Variants in GPC6 observed in about 807,000 individuals in gnomAD.
The protein encoded by GPC6 is glypican-6.
A neutral mutation model predicts 55.2 loss-of-function variants in GPC6; 14 were observed. The ratio of observed to expected loss-of-function variants is 0.25; its 90% confidence interval spans 0.17 to 0.40. The LOEUF is 0.40. GPC6 is among the 10% of genes least tolerant of loss of function. The pLI, the probability that GPC6 is intolerant of heterozygous loss-of-function variation, is 1.00. For synonymous variants in GPC6, 278 were observed against 259.6 expected (o/e 1.07, Z -0.68); for missense variants, 641 against 708.5 (o/e 0.90, Z 1.08).
chr13:94,403,680 CAG>C lies in GPC6; in HGVS notation c.*464_*465del, dbSNP rs1881251464. The C allele has an allele frequency of 4.9e-6, 1 of 204,606 alleles. No homozygotes were observed. Among genetic ancestry groups the C allele is most frequent in the Non-Finnish European group, 1.0e-5 (1 of 99,626 alleles). The allele number at this position is 204,606 out of a possible 1,614,324, so 12.7% of individuals were successfully genotyped here. A position where few individuals can be genotyped will look rare whatever the true frequency, so the allele number is the denominator to read the frequency against. ...TAAATGAACTTTAACACTGTAAGTTCAGCATTGACAGCCAACTTCCAGTGTAA... is the reference window on the plus strand; with the variant it reads ...TAAATGAACTTTAACACTGTAAGTTCCATTGACAGCCAACTTCCAGTGTAA... On this transcript the variant is annotated 3_prime_UTR_variant, in exon 9 of 9. Transcript: ENST00000377047.
At chr13:93,729,635 C>T (rs1410205042) in intron 2 of GPC6, among the ~76,000 whole-genome samples, 1 of 152,166 alleles carries the variant, frequency 6.6e-6, no homozygotes, top group African/African-American at 2.4e-5. Context: ...GAAATTGGTA[C>T]AACCATTTTG....
In GPC6 at chr13:94,162,396, C is replaced by T. The variant is rs138171109; in HGVS notation, c.878-123953C>T. On this transcript the variant is annotated intron_variant, in intron 4 of 8. Transcript: ENST00000377047. ...TCTTGTTAAATTGCTCCTTGAGAAC[C>T]AATCAGCTGCTTTGCAAGGATCCCT... Among the ~76,000 whole-genome samples, 58 of 152,322 alleles carry T rather than the reference C, an allele frequency of 3.8e-4. No homozygotes were observed. In the East Asian group the frequency reaches 9.1e-3, roughly 24 times the overall value.
chr13:93,987,397 A>G (rs1168791002), intron 3 of GPC6, among the ~76,000 whole-genome samples: 1 of 152,232 alleles, frequency 6.6e-6, no homozygotes, highest in Non-Finnish European at 1.5e-5. Context: ...AACAGTTATT[A>G]AAGTTTTGAC....
At chr13:93,952,918 T>C (rs115472883) in intron 3 of GPC6, among the ~76,000 whole-genome samples, 1,686 of 149,306 alleles carry the variant, frequency 0.011, 31 homozygotes, top group African/African-American at 0.04. Flanking sequence ...TGTATATATA[T>C]ACACGTATAT....
intron 1 of GPC6, among the ~76,000 whole-genome samples, chr13:93,390,768 A>G (rs1474771551): frequency 6.6e-6 from 1 of 151,264 alleles, no homozygotes. Flanking sequence ...TTGCATGTAT[A>G]GTTTTTTTTT....
intron 3 of GPC6, among the ~76,000 whole-genome samples, chr13:93,993,618 A>G (rs544232194): frequency 3.9e-4 from 60 of 152,080 alleles, no homozygotes; most frequent in African/African-American, 1.3e-3. Flanking sequence ...AAAATAAGCT[A>G]TTTTCTCCTT....
At chr13:93,575,150 A>G (rs1876596822) in intron 2 of GPC6, among the ~76,000 whole-genome samples, 3 of 151,946 alleles carry the variant, frequency 2.0e-5, no homozygotes, top group African/African-American at 7.2e-5. Context: ...AAAAATTAGC[A>G]GGGTGTGATG....
At chr13:93,355,531 A>G (rs75533507) in intron 1 of GPC6, among the ~76,000 whole-genome samples, 1 of 152,294 alleles carries the variant, frequency 6.6e-6, no homozygotes, top group African/African-American at 2.4e-5. Context: ...TGAGCAGATG[A>G]ACTCCCATGG....
intron 1 of GPC6, among the ~76,000 whole-genome samples, chr13:93,403,023 A>G (rs897280211): frequency 1.3e-5 from 2 of 152,158 alleles, no homozygotes; most frequent in Non-Finnish European, 2.9e-5. Flanking sequence ...TTCTCTAACC[A>G]CTTAAGAGTT....
At chr13:94,107,497 A>G (rs1420567377) in intron 4 of GPC6, among the ~76,000 whole-genome samples, 2 of 151,800 alleles carry the variant, frequency 1.3e-5, no homozygotes, top group South Asian at 2.1e-4. Context: ...TCCAGAATCT[A>G]TACTTCACTC....
intron 5 of GPC6, among the ~76,000 whole-genome samples, chr13:94,305,447 A>G (rs1875891225): frequency 6.6e-6 from 1 of 152,232 alleles, no homozygotes; most frequent in South Asian, 2.1e-4. Context: ...TGGTTAGGAA[A>G]GCTTGACAGT....
At chr13:93,753,230 T>TC (rs1884657167) in intron 2 of GPC6, among the ~76,000 whole-genome samples, 1 of 152,106 alleles carries the variant, frequency 6.6e-6, no homozygotes, top group Admixed American at 6.5e-5. Context: ...CCATGTCACT[T>TC]CAGTGAACAT....
At chr13:94,010,601 G>A (rs1436047863) in intron 3 of GPC6, among the ~76,000 whole-genome samples, 1 of 152,064 alleles carries the variant, frequency 6.6e-6, no homozygotes, top group African/African-American at 2.4e-5. Context: ...CATTGATTTT[G>A]TTACTAGATT....
intron 4 of GPC6, among the ~76,000 whole-genome samples, chr13:94,052,257 G>C (rs1017397055): frequency 6.6e-6 from 1 of 152,156 alleles, no homozygotes; most frequent in Non-Finnish European, 1.5e-5. Flanking sequence ...AAATTGATCA[G>C]GGATTTGGGT....
intron 4 of GPC6, among the ~76,000 whole-genome samples, chr13:94,074,765 G>T (rs1214567761): frequency 6.6e-6 from 1 of 152,146 alleles, no homozygotes; most frequent in Non-Finnish European, 1.5e-5. Flanking sequence ...CTTGTAGGAA[G>T]ATGATCTACA....
Position 94,124,016 on chromosome 13 carries a change from T to C in GPC6, c.877+96122T>C, listed in dbSNP as rs143244489. Among the ~76,000 whole-genome samples, 1,201 of 152,146 alleles carry C rather than the reference T, an allele frequency of 7.9e-3. 17 individuals carry two copies. The highest frequency in any genetic ancestry group is 0.027 in the African/African-American group (1,115 of 41,528). On this transcript the variant is annotated intron_variant, in intron 4 of 8. Transcript: ENST00000377047. Reference sequence around the variant, plus strand: ...TACTGAAGTAAATAAGATACACTAATGAAAATGGGGAGGGGGAATCATTTA... The same window carrying C: ...TACTGAAGTAAATAAGATACACTAACGAAAATGGGGAGGGGGAATCATTTA...
chr13:94,395,041 A>C (rs1880835698), intron 7 of GPC6, among the ~76,000 whole-genome samples: 1 of 152,168 alleles, frequency 6.6e-6, no homozygotes, highest in African/African-American at 2.4e-5. Flanking sequence ...ATTTCCCAAA[A>C]TGTAGAGGAG....
At chr13:93,544,380 C>T (rs1379395991) in intron 1 of GPC6, among the ~76,000 whole-genome samples, 1 of 152,044 alleles carries the variant, frequency 6.6e-6, no homozygotes. Flanking sequence ...TTTTCAGTGT[C>T]CTATGGTGAC....
chr13:93,239,885 G>T (rs1247378644), intron 1 of GPC6, among the ~76,000 whole-genome samples: 4 of 151,940 alleles, frequency 2.6e-5, no homozygotes, highest in African/African-American at 9.7e-5. Flanking sequence ...TTTTGTCATT[G>T]ACCTAAAAGT....
Sources: allele counts gnomAD v4.1 joint callset (sites outside exome capture counted in the v4.1 genomes callset), GRCh38; gene constraint gnomAD v4.1.1; transcripts MANE v1.5; gene names NCBI Gene and HGNC (gene_info 2026-07-23, HGNC 2026-07-21).